Variants in STARD9 observed in about 807,000 individuals in gnomAD.
STARD9 encodes StAR related lipid transfer domain containing 9, also known as stAR-related lipid transfer protein 9.
A neutral mutation model predicts 399.8 loss-of-function variants in STARD9; 346 were observed. The ratio of observed to expected loss-of-function variants is 0.87; its 90% CI spans 0.79 to 0.95. The LOEUF is 0.95. Ranked by LOEUF, STARD9 falls within the 40% of genes least tolerant of loss-of-function variation. The pLI is 0.00. For synonymous variants in STARD9, 2,203 were observed against 2,143.5 expected, an observed-to-expected ratio of 1.03 and a Z score of -0.77; for missense variants, 5,832 against 5,667.5, an observed-to-expected ratio of 1.03 and a Z score of -0.93.
In STARD9 at chr15:42,699,569, G is replaced by A. The variant is rs1487811335; in HGVS notation, c.13284+3689G>A. Among the ~76,000 whole-genome samples the A allele has an allele frequency of 9.3e-5, 14 of 150,092 alleles. No individual in the cohort carries two copies. In the East Asian group the frequency reaches 2.0e-3, roughly 21 times the overall value. ...CCACCACGCCCAGCTAATTTTTTGTGTTTTTAGTAGAGATGGGGTTTCACC... is the reference window on the plus strand; with the variant it reads ...CCACCACGCCCAGCTAATTTTTTGTATTTTTAGTAGAGATGGGGTTTCACC... On this transcript the variant is annotated intron_variant, in intron 26 of 32. Coordinates refer to ENST00000290607, the MANE Select transcript of STARD9 (RefSeq NM_020759.3).
intron 3 of STARD9, among the ~76,000 whole-genome samples, chr15:42,628,348 G>C (rs1312450680): frequency 6.6e-6 from 1 of 152,146 alleles, no homozygotes; most frequent in East Asian, 1.9e-4. Context: ...CAGATGGATA[G>C]TTTGCAGATA....
intron 1 of STARD9, among the ~76,000 whole-genome samples, chr15:42,579,663 A>G (rs1418768686): frequency 6.6e-6 from 1 of 152,162 alleles, no homozygotes; most frequent in Non-Finnish European, 1.5e-5. Context: ...ACATTTTTTA[A>G]GCCCATGCTT....
Position 42,657,025 on chromosome 15 carries a change from A to G in STARD9, c.703-4133A>G, listed in dbSNP as rs369945190. Among the ~76,000 whole-genome samples, 18 of 152,280 alleles carry G rather than the reference A, an allele frequency of 1.2e-4. No homozygotes were observed. In the South Asian group the frequency reaches 2.3e-3, roughly 19 times the overall value. ...TATTGAAATTTTTAAAAAAGTAAGC[A>G]TAAGAGAGCTGGAGTGGTATTTTAA... On this transcript the variant is annotated intron_variant, in intron 9 of 32. Coordinates refer to ENST00000290607, the MANE Select transcript of STARD9 (RefSeq NM_020759.3).
At chr15:42,626,273 CTCCTCTTCCTCCTCT>C (rs1007638096) in intron 3 of STARD9, among the ~76,000 whole-genome samples, 3 of 146,622 alleles carry the variant, frequency 2.0e-5, no homozygotes, top group South Asian at 2.2e-4. Flanking sequence ...CCTCTTCCTC[CTCCTCTTCCTCCTCT>C]TCCTCTTCCT....
chr15:42,716,599 T>G, intron 26 of STARD9, 78 bp from the exon 27 acceptor site: 2 of 900,516 alleles, frequency 2.2e-6, no homozygotes, highest in Non-Finnish European at 3.5e-6. Context: ...CTGGAAGCTG[T>G]GAGATGCAGT....
chr15:42,638,582 C>A, intron 6 of STARD9, 118 bp from the exon 7 acceptor site: 1 of 639,380 alleles, frequency 1.6e-6, no homozygotes. Context: ...TTGATCATTG[C>A]CTTAGAGTGT....
chr15:42,616,864 C>G (rs2058972708), intron 3 of STARD9, among the ~76,000 whole-genome samples: 1 of 143,816 alleles, frequency 7.0e-6, no homozygotes, highest in African/African-American at 2.7e-5. Context: ...GCACTCCAGC[C>G]TGGGTGACAG....
intron 9 of STARD9, among the ~76,000 whole-genome samples, chr15:42,659,035 C>A (rs552403828): frequency 7.4e-4 from 112 of 152,240 alleles, no homozygotes; most frequent in African/African-American, 2.7e-3. Context: ...ATTGCTTGAA[C>A]CCAGCAGGCA....
chr15:42,694,563 G>A lies in STARD9; in HGVS notation c.12800G>A (p.Arg4267Gln), dbSNP rs930598611. The A allele has an allele frequency of 7.8e-6, 12 of 1,537,074 alleles. No homozygotes were observed. The highest frequency in any genetic ancestry group is 5.9e-5 in the Admixed American group (3 of 50,968). ...GCCATTGAGACCCTCAGGAGAGAGC[G>A]GGCTGAGCGACTTGGGAACTTCTGC... ...KKAIETLRRE[R>Q]AERLGNFCRT... The change falls in exon 24 of 33, where the codon CGG becomes CAG. Residue 4267 changes from arginine to glutamine, a missense_variant. Coordinates refer to ENST00000290607, the MANE Select transcript of STARD9 (RefSeq NM_020759.3).
At chr15:42,682,627 C>T in intron 22 of STARD9, 52 bp downstream of exon 22, 1 of 1,411,632 alleles carries the variant, frequency 7.1e-7, no homozygotes, top group Non-Finnish European at 9.4e-7. Context: ...TTACAACCTT[C>T]TTGCCCAGGT....
chr15:42,660,975 C>T (rs1209360029), intron 9 of STARD9, among the ~76,000 whole-genome samples, 183 bp from the exon 10 acceptor site: 2 of 149,892 alleles, frequency 1.3e-5, no homozygotes, highest in African/African-American at 2.5e-5. Flanking sequence ...AAGTGATGAT[C>T]CAGGGCCCTA....
In STARD9 at chr15:42,692,721, C is replaced by T. The variant is rs1013721639; in HGVS notation, c.11143C>T (p.Pro3715Ser). 6.5e-7 allele frequency: 1 copy of T among 1,537,068 alleles called. No individual in the cohort carries two copies. The highest frequency in any genetic ancestry group is 8.7e-7 in the Non-Finnish European group (1 of 1,146,874). ...GGAGCAGAACACCAAGAGGGACATC[C>T]CAGATAAAGCCCCACAGGCCCTGAT... ...RREQNTKRDI[P>S]DKAPQALMMD... is the part of the protein sequence containing the mutation. The change falls in exon 23 of 33, where the codon CCA (proline) becomes TCA (serine). Residue 3715 changes from proline to serine, a missense_variant. Pro to Ser is a moderately conservative substitution (Grantham distance 74). Transcript: ENST00000290607.
Position 42,689,580 on chromosome 15 carries a change from C to T in STARD9, c.8002C>T (p.His2668Tyr). The change falls in exon 23 of 33, where the codon CAT (histidine) becomes TAT (tyrosine). Residue 2668 changes from histidine (H) to tyrosine (Y), a missense_variant. By Grantham distance (83) the His-to-Tyr change is moderately conservative. This residue lies in a region of STARD9 where 5,828 missense variants were observed against 5,651.1 expected (regional missense o/e 1.03). Coordinates refer to ENST00000290607, the MANE Select transcript of STARD9 (RefSeq NM_020759.3). The part of the protein sequence containing the change: ...EPWDPVQAFS[H>Y]AAPAQDRKRR... ...ATGGGATCCTGTGCAGGCTTTCTCC[C>T]ATGCTGCTCCTGCTCAAGACAGGAA... The T allele has an allele frequency of 6.5e-7, 1 of 1,537,342 alleles. No individual in the cohort carries two copies. The highest frequency in any genetic ancestry group is 8.7e-7 in the Non-Finnish European group (1 of 1,146,926).
At position 42,682,414 on chromosome 15, in the gene STARD9, G is replaced by A. The variant is rs765948251; in HGVS notation, c.2376G>A (p.Thr792=). The change falls in exon 22 of 33, where the codon ACG becomes ACA. Residue 792 remains threonine (T), a synonymous_variant. Transcript: ENST00000290607. The part of the protein sequence containing the change: ...LEAQKRLEKL[T]TLCWLQDDST... The stretch of plus-strand genomic sequence containing the variant: ...CCCAGAAGAGACTGGAGAAGCTCAC[G>A]ACATTGTGCTGGCTCCAGGATGACA... 20 of 1,537,066 alleles carry A rather than the reference G, an allele frequency of 1.3e-5. No homozygotes were observed. Among genetic ancestry groups the A allele is most frequent in the South Asian group, 2.4e-5 (2 of 84,058 alleles).
chr15:42,612,125 G>A (rs1414393539), intron 3 of STARD9, among the ~76,000 whole-genome samples: 2 of 152,196 alleles, frequency 1.3e-5, no homozygotes, highest in South Asian at 4.2e-4. Context: ...CTACAAGCAT[G>A]TTCCACCACA....
intron 3 of STARD9, among the ~76,000 whole-genome samples, chr15:42,616,436 T>C (rs2058963747): frequency 6.6e-6 from 1 of 152,200 alleles, no homozygotes; most frequent in Non-Finnish European, 1.5e-5. Flanking sequence ...AATTTTAAAT[T>C]GTAGAGTAAT....
intron 17 of STARD9, 21 bp downstream of exon 17, chr15:42,674,512 G>A (rs1042265479): frequency 1.3e-6 from 2 of 1,535,496 alleles, no homozygotes; most frequent in Non-Finnish European, 1.7e-6. Flanking sequence ...GAGTATATGA[G>A]TCCAGCATTT....
chr15:42,715,369 G>A (rs1033603506), intron 26 of STARD9, among the ~76,000 whole-genome samples: 1 of 152,126 alleles, frequency 6.6e-6, no homozygotes, highest in African/African-American at 2.4e-5. Context: ...GGGCAGGAGA[G>A]TGAAGAGGAG....
rs1566915726 is a variant in STARD9, at chr15:42,664,817, CA to C, written c.1177-435del. On this transcript the variant is annotated intron_variant, in intron 13 of 32. Coordinates refer to ENST00000290607, the MANE Select transcript of STARD9 (RefSeq NM_020759.3). ...ACACACACACACACACACACACACACACACACACCCCATACGTACACTGTTT... is the reference window on the plus strand; with the variant it reads ...ACACACACACACACACACACACACACCACACACCCCATACGTACACTGTTT... Among the ~76,000 whole-genome samples, 186 of 152,056 alleles carry C rather than the reference CA, an allele frequency of 1.2e-3. 1 individual carries two copies. Among genetic ancestry groups the C allele is most frequent in the African/African-American group, 4.4e-3 (181 of 41,466 alleles).
Sources: gnomAD v4.1 joint callset for allele counts (sites outside exome capture counted in the v4.1 genomes callset) on GRCh38, gnomAD v4.1.1 for gene constraint, gnomAD v4.1.1 regional missense constraint, MANE v1.5 for transcripts, NCBI Gene and HGNC (gene_info 2026-07-23, HGNC 2026-07-21) for gene names.